Variants in MIB1 observed in about 807,000 individuals in gnomAD.
The protein encoded by MIB1 is E3 ubiquitin-protein ligase MIB1.
Under a neutral mutation model 124.5 loss-of-function variants are expected in MIB1, and 278 were observed. The observed-to-expected ratio is 2.23, with a 90% CI of 2.02 to 2.47. The LOEUF (loss-of-function observed/expected upper bound fraction) is 2.47, where lower values mean the gene tolerates loss of function less well. Ranked by LOEUF, MIB1 falls within the 30% of genes most tolerant of loss-of-function variation. The pLI is 0.00. For synonymous variants in MIB1, 446 were observed against 429.4 expected, an observed-to-expected ratio of 1.04 and a Z score of -0.48; for missense variants, 957 against 1,254.4, an observed-to-expected ratio of 0.76 and a Z score of 3.58.
intron 15 of MIB1, among the ~76,000 whole-genome samples, chr18:21,846,347 G>C (rs2042134298): frequency 6.6e-6 from 1 of 152,108 alleles, no homozygotes; most frequent in East Asian, 1.9e-4. Flanking sequence ...AAAGATCATG[G>C]AAAGTGTGTA....
intron 7 of MIB1, 55 bp from the exon 8 acceptor site, chr18:21,798,029 G>T: frequency 6.5e-7 from 1 of 1,537,584 alleles, no homozygotes; most frequent in South Asian, 1.2e-5. Flanking sequence ...ACTAGTGATT[G>T]ACTTTATGGT....
At chr18:21,819,910 T>G (rs1470693182) in intron 12 of MIB1, among the ~76,000 whole-genome samples, 1 of 152,206 alleles carries the variant, frequency 6.6e-6, no homozygotes, top group Non-Finnish European at 1.5e-5. Flanking sequence ...AAAGATTTAA[T>G]TAAAATGCAT....
At chr18:21,755,803 A>G (rs933578804) in intron 1 of MIB1, among the ~76,000 whole-genome samples, 1 of 152,182 alleles carries the variant, frequency 6.6e-6, no homozygotes, top group Non-Finnish European at 1.5e-5. Flanking sequence ...TTTCATGGAT[A>G]TTTGCTTGGG....
intron 1 of MIB1, among the ~76,000 whole-genome samples, chr18:21,761,843 AC>A (rs1226031957): frequency 6.6e-6 from 1 of 152,170 alleles, no homozygotes; most frequent in Non-Finnish European, 1.5e-5. Flanking sequence ...AGTATATTTT[AC>A]CATTTTAAGG....
In MIB1 at chr18:21,748,872, A is replaced by G. The variant is rs139452813; in HGVS notation, c.229+7060A>G. ...CTCAGCCTCCCGAGTAGCTAGGACT[A>G]TAGGTGCACACCACCAAGCCTGGCT... On this transcript the variant is annotated intron_variant, in intron 1 of 20. Transcript: ENST00000261537. Among the ~76,000 whole-genome samples the G allele has an allele frequency of 1.5e-3, 231 of 151,470 alleles. 2 individuals carry two copies. Among genetic ancestry groups the G allele is most frequent in the African/African-American group, 5.4e-3 (223 of 41,302 alleles).
intron 1 of MIB1, among the ~76,000 whole-genome samples, chr18:21,719,371 C>T (rs143934320): frequency 6.6e-6 from 1 of 151,870 alleles, no homozygotes; most frequent in East Asian, 1.9e-4. Context: ...TCATATAAGT[C>T]GGTAATTAAT....
At chr18:21,782,074 C>A (rs190121966) in intron 6 of MIB1, among the ~76,000 whole-genome samples, 1 of 152,048 alleles carries the variant, frequency 6.6e-6, no homozygotes, top group South Asian at 2.1e-4. Flanking sequence ...TTTTCTAGTT[C>A]CTTGAGCTGT....
At chr18:21,717,816 C>T (rs1391941093) in intron 1 of MIB1, among the ~76,000 whole-genome samples, 2 of 152,146 alleles carry the variant, frequency 1.3e-5, no homozygotes. Flanking sequence ...ACTAGTACAA[C>T]CACTATGGAA....
At chr18:21,718,575 C>T (rs926351032) in intron 1 of MIB1, among the ~76,000 whole-genome samples, 1 of 152,176 alleles carries the variant, frequency 6.6e-6, no homozygotes, top group Admixed American at 6.5e-5. Context: ...AGACATCAAG[C>T]AAGAACTGCC....
chr18:21,773,705 T>A lies in MIB1; in HGVS notation c.613T>A (p.Tyr205Asn). The A allele has an allele frequency of 1.9e-6, 3 of 1,603,658 alleles. No individual in the cohort carries two copies. Among genetic ancestry groups the A allele is most frequent in the Non-Finnish European group, 8.5e-7 (1 of 1,176,138 alleles). Reference protein sequence around the residue: ...VLWDNGAKNLYRVGFEGMSDL... With the variant: ...VLWDNGAKNLNRVGFEGMSDL... ...CTGGGATAATGGTGCTAAGAACCTT[T>A]ACAGAGTTGGCTTTGAGGGCATGGT... Residue 205 changes from tyrosine (Y) to asparagine (N), a missense_variant, in exon 4 of 21, where the codon TAC becomes AAC. Transcript: ENST00000261537.
Position 21,846,794 on chromosome 18 carries a change from A to T in MIB1, c.2212-150A>T, listed in dbSNP as rs1401289795. 1.5e-5 allele frequency: 10 copies of T among 684,164 alleles called. No homozygotes were observed. The East Asian group carries it at 2.7e-4, about 18-fold the overall frequency. The allele number at this position is 684,164 out of a possible 1,614,324, so 42.4% of individuals were successfully genotyped here. A position where few individuals can be genotyped will look rare whatever the true frequency, so the allele number is the denominator to read the frequency against. The stretch of plus-strand genomic sequence containing the variant: ...AACTGGAGAAAGCATACTTGTGTGT[A>T]TGCTTGAGAAAACCAGGGGTAGAGT... On this transcript the variant is annotated intron_variant, in intron 15 of 20. Transcript: ENST00000261537.
rs1376488524 is a variant in MIB1, at chr18:21,868,621, C to CAAG, written c.*3955_*3956insAAG. The CAAG allele has an allele frequency of 6.6e-6, 1 of 152,276 alleles. No individual in the cohort carries two copies. Among genetic ancestry groups the CAAG allele is most frequent in the African/African-American group, 2.4e-5 (1 of 41,390 alleles). The allele number at this position is 152,276 out of a possible 1,614,324, so 9.4% of individuals were successfully genotyped here. On this transcript the variant is annotated 3_prime_UTR_variant, in exon 21 of 21. Transcript: ENST00000261537. The stretch of plus-strand genomic sequence containing the variant: ...TTGGAAGTGTCAACTGTCTTTATGT[C>CAAG]TGCTTGTAAAAGTTTCAAAATATGT...
chr18:21,769,323 A>G (rs900729846), intron 3 of MIB1, among the ~76,000 whole-genome samples: 3 of 152,204 alleles, frequency 2.0e-5, no homozygotes, highest in Admixed American at 6.5e-5. Context: ...TCATCATTAC[A>G]TAGTCCAAAT....
intron 3 of MIB1, among the ~76,000 whole-genome samples, chr18:21,772,915 C>A (rs950571520): frequency 2.6e-5 from 4 of 152,150 alleles, no homozygotes; most frequent in Non-Finnish European, 5.9e-5. Flanking sequence ...TATCTTGAAT[C>A]ATTTTGGGTA....
chr18:21,797,620 C>G (rs775718966), intron 7 of MIB1, among the ~76,000 whole-genome samples: 1 of 152,094 alleles, frequency 6.6e-6, no homozygotes, highest in East Asian at 1.9e-4. Flanking sequence ...TGGCAGAAAT[C>G]AGATGATTCC....
intron 1 of MIB1, among the ~76,000 whole-genome samples, chr18:21,727,890 T>A (rs2040749909): frequency 6.6e-6 from 1 of 152,178 alleles, no homozygotes. Context: ...CACATGAACT[T>A]GGAAGAGGAC....
In MIB1 at chr18:21,865,114, A is replaced by G. The variant is rs1379613041; in HGVS notation, c.*448A>G. On this transcript the variant is annotated 3_prime_UTR_variant, in exon 21 of 21. Transcript: ENST00000261537. The stretch of plus-strand genomic sequence containing the variant: ...AATAAAAGAGGCAGGTCAAACAATT[A>G]TGTCACATGGTAAATTATAAAATGA... 1 of 152,712 alleles carries G rather than the reference A, an allele frequency of 6.5e-6. No individual in the cohort carries two copies. Among genetic ancestry groups the G allele is most frequent in the African/African-American group, 2.4e-5 (1 of 41,484 alleles). The allele number at this position is 152,712 out of a possible 1,614,324, so 9.5% of individuals were successfully genotyped here.
intron 10 of MIB1, among the ~76,000 whole-genome samples, chr18:21,811,371 A>G (rs1330546503): frequency 1.3e-5 from 2 of 152,212 alleles, no homozygotes; most frequent in Admixed American, 1.3e-4. Context: ...TTTTGAATAT[A>G]TATCCCAAAG....
At chr18:21,856,327 T>C (rs142290651) in intron 18 of MIB1, among the ~76,000 whole-genome samples, 8 of 151,688 alleles carry the variant, frequency 5.3e-5, no homozygotes, top group African/African-American at 1.7e-4. Context: ...CTTATTGGAA[T>C]AGGAATGCAT....
Sources: allele counts gnomAD v4.1 joint callset (sites outside exome capture counted in the v4.1 genomes callset), GRCh38; gene constraint gnomAD v4.1.1; transcripts MANE v1.5; gene names NCBI Gene and HGNC (gene_info 2026-07-23, HGNC 2026-07-21).